The following MASP1 variants were observed in gnomAD, a reference collection of about 807,000 sequenced individuals.
MASP1 encodes the protein mannan-binding lectin serine protease 1.
MASP1 carries 59 observed loss-of-function variants against 77.1 expected under a neutral mutation model. The observed-to-expected ratio is 0.77, with a 90% CI of 0.62 to 0.95. The LOEUF is 0.95. MASP1 is among the 40% of genes least tolerant of loss of function. The probability of loss-of-function intolerance (pLI) is 0.00; values close to 1 mark genes in which losing one functional copy is unlikely to be tolerated. For synonymous variants in MASP1, 362 were observed against 354.5 expected, an observed-to-expected ratio of 1.02 and a Z score of -0.24; for missense variants, 885 against 912.9, an observed-to-expected ratio of 0.97 and a Z score of 0.39.
chr3:187,223,005 C>T, intron 14 of MASP1: 2 of 829,048 alleles, frequency 2.4e-6, no homozygotes, highest in Non-Finnish European at 2.1e-6. Flanking sequence ...GGTCTGGGCT[C>T]CTAGTTTCCC....
rs1415304189 is a variant in MASP1 at position 187,234,910 on chromosome 3, AG to A, written c.*773del. ...CGCCCATGGTGTCAGCTGGTGTTCCAGGGTGGCATATGGGCCCAAATGTGTT... is the reference window on the plus strand; with the variant it reads ...CGCCCATGGTGTCAGCTGGTGTTCCAGGTGGCATATGGGCCCAAATGTGTT... On this transcript the variant is annotated 3_prime_UTR_variant, in exon 11 of 11. Coordinates refer to ENST00000296280, the MANE Select transcript of MASP1 (RefSeq NM_139125.4). 13 of 1,287,054 alleles carry A rather than the reference AG, an allele frequency of 1.0e-5. No homozygotes were observed. The African/African-American group carries it at 1.5e-4, about 15-fold the overall frequency. The allele number at this position is 1,287,054 out of a possible 1,614,324, so 79.7% of individuals were successfully genotyped here.
chr3:187,267,512 A>G (rs1284492503), intron 2 of MASP1, among the ~76,000 whole-genome samples: 6 of 152,242 alleles, frequency 3.9e-5, no homozygotes, highest in African/African-American at 1.4e-4. Context: ...GTCATTACTC[A>G]CTGAAGGCTG....
chr3:187,264,953 C>G (rs938468296), intron 2 of MASP1, among the ~76,000 whole-genome samples: 6 of 152,046 alleles, frequency 3.9e-5, no homozygotes, highest in African/African-American at 7.2e-5. Context: ...GGGTCCTGTT[C>G]CTGACACTGC....
At chr3:187,282,207 A>T (rs1290335847) in intron 2 of MASP1, among the ~76,000 whole-genome samples, 1 of 152,172 alleles carries the variant, frequency 6.6e-6, no homozygotes, top group African/African-American at 2.4e-5. Flanking sequence ...GAAGATTTTC[A>T]AGAAGAAAAT....
At chr3:187,229,959 A>G, downstream of MASP1, 1 of 1,597,174 alleles carries the variant, frequency 6.3e-7, no homozygotes, top group Non-Finnish European at 8.6e-7. Context: ...GCCCACTGCC[A>G]GAGCTCCCAG....
At chr3:187,258,211 C>G (rs1715260765) in intron 4 of MASP1, among the ~76,000 whole-genome samples, 1 of 152,170 alleles carries the variant, frequency 6.6e-6, no homozygotes, top group Non-Finnish European at 1.5e-5. Flanking sequence ...TGATCCCCAC[C>G]CTGTTCCACC....
At chr3:187,283,324 T>C (rs1717586031) in intron 2 of MASP1, among the ~76,000 whole-genome samples, 1 of 152,256 alleles carries the variant, frequency 6.6e-6, no homozygotes, top group Non-Finnish European at 1.5e-5. Flanking sequence ...AAAAGTATCA[T>C]CATTTTTTCC....
chr3:187,235,742 C>T lies in MASP1; in HGVS notation c.2129G>A (p.Trp710Ter), dbSNP rs1713101192. Residue 710 changes from tryptophan to a stop codon, truncating the protein, a stop_gained, in exon 11 of 11, where the codon TGG becomes TAG. Transcript: ENST00000296280. LOFTEE classifies it high-confidence loss of function. Reference protein sequence around the residue: ...VYTKVSNYVDWVWEQMGLPQS... With the variant: ...VYTKVSNYVD ...TGGTAAGCCCATCTGCTCCCACACC[C>T]AGTCCACGTAATTGGAGACCTTTGT... 6.2e-7 allele frequency: 1 copy of T among 1,614,094 alleles called. No homozygotes were observed. The highest frequency in any genetic ancestry group is 8.5e-7 in the Non-Finnish European group (1 of 1,180,040).
At position 187,221,121 on chromosome 3, in the gene MASP1, A is replaced by G; in HGVS notation, c.1823T>C (p.Ile608Thr). 1.2e-6 allele frequency: 2 copies of G among 1,613,688 alleles called. No individual in the cohort carries two copies. The highest frequency in any genetic ancestry group is 8.5e-7 in the Non-Finnish European group (1 of 1,179,750). Residue 608 changes from isoleucine (I) to threonine (T), a missense_variant, in exon 15 of 16, where the codon ATT (isoleucine) becomes ACT (threonine). Coordinates refer to the MASP1 transcript ENST00000337774. ...CTTCTGGCAGGTGCTGTGGTCAACA[A>G]TCGGGATTTCAATCTAGAACACAAA...
intron 9 of MASP1, chr3:187,242,936 C>A: frequency 5.4e-6 from 1 of 183,906 alleles, no homozygotes; most frequent in Non-Finnish European, 1.2e-5. Context: ...ACTCCTCGCT[C>A]CCCAACCCTG....
At chr3:187,220,726 G>A (rs1191852388) in intron 15 of MASP1, among the ~76,000 whole-genome samples, 1 of 152,062 alleles carries the variant, frequency 6.6e-6, no homozygotes, top group Non-Finnish European at 1.5e-5. Flanking sequence ...TCGAACTCCC[G>A]ACCTCAGGTG....
rs375754458 is a variant in MASP1 at position 187,247,100 on chromosome 3, T to TC, written c.1090+3150dup. On this transcript the variant is annotated intron_variant, in intron 8 of 10. Transcript: ENST00000296280. ...CTAAAATAAATCCCACATTTTTTTT[T>TC]CATTATTTTCTGGAATAGTGTTTGA... 3.1e-4 allele frequency: 445 copies of TC among 1,421,284 alleles called. 2 individuals carry two copies. The African/African-American group carries it at 5.6e-3, about 18-fold the overall frequency. 88.0% of individuals were successfully genotyped at this position (1,421,284 alleles called of 1,614,324 possible).
chr3:187,236,565 ACT>A lies in MASP1; in HGVS notation c.1304_1305del (p.Glu435ValfsTer22). On this transcript the variant is annotated frameshift_variant and splice_region_variant, in exon 11 of 11. Transcript: ENST00000296280. LOFTEE classifies it high-confidence loss of function. ...LGRSLPTCLP[E>X]CGQPSRSLPS... ...GGCAGGGAGCGGGAGGGCTGACCACACTCTGTAAGGAGAAAGAGGGAGCAGGG... is the reference window on the plus strand; with the variant it reads ...GGCAGGGAGCGGGAGGGCTGACCACACTGTAAGGAGAAAGAGGGAGCAGGG... The A allele has an allele frequency of 6.2e-7, 1 of 1,613,682 alleles. No individual in the cohort carries two copies. Among genetic ancestry groups the A allele is most frequent in the Non-Finnish European group, 8.5e-7 (1 of 1,179,902 alleles).
intron 2 of MASP1, among the ~76,000 whole-genome samples, chr3:187,280,250 G>A (rs1216154862): frequency 2.6e-5 from 4 of 152,222 alleles, no homozygotes; most frequent in African/African-American, 9.6e-5. Context: ...GAGGATGGAA[G>A]AAATGTCGAA....
rs78393224 is a variant in MASP1, at chr3:187,235,456, A to G, written c.*228T>C. 1 of 1,515,646 alleles carries G rather than the reference A, an allele frequency of 6.6e-7. No individual in the cohort carries two copies. The allele number at this position is 1,515,646 out of a possible 1,614,324, so 93.9% of individuals were successfully genotyped here. A position where few individuals can be genotyped will look rare whatever the true frequency, so the allele number is the denominator to read the frequency against. On this transcript the variant is annotated 3_prime_UTR_variant, in exon 11 of 11. Transcript: ENST00000296280. The stretch of plus-strand genomic sequence containing the variant: ...TATTACTCGGTAGAGTGAGGCCCAG[A>G]CAGGGAAAGAGACTTGGACAAGCTC...
intron 5 of MASP1, 23 bp downstream of exon 5, chr3:187,256,641 A>T: frequency 6.2e-7 from 1 of 1,612,734 alleles, no homozygotes; most frequent in Non-Finnish European, 8.5e-7. Flanking sequence ...CATCTCCAGG[A>T]CAAGTGTTCA....
chr3:187,221,820 T>C (rs1712077673), intron 14 of MASP1, among the ~76,000 whole-genome samples: 1 of 152,226 alleles, frequency 6.6e-6, no homozygotes, highest in South Asian at 2.1e-4. Context: ...CCAGAAAATA[T>C]ATATATTTTT....
rs369623456 is a variant in MASP1 at position 187,250,478 on chromosome 3, G to A, written c.1012-149C>T. ...TGGGCTTCCAAGGGTGAGCTTGAAGGTAGGGGAAAGATACATGCTGAATTC... is the reference window on the plus strand; with the variant it reads ...TGGGCTTCCAAGGGTGAGCTTGAAGATAGGGGAAAGATACATGCTGAATTC... On this transcript the variant is annotated intron_variant, in intron 7 of 10. Transcript: ENST00000296280. 4.1e-6 allele frequency: 3 copies of A among 739,462 alleles called. No individual in the cohort carries two copies. The East Asian group carries it at 7.5e-5, about 19-fold the overall frequency. 45.8% of individuals were successfully genotyped at this position (739,462 alleles called of 1,614,324 possible).
chr3:187,286,480 C>T (rs893917726), intron 1 of MASP1, among the ~76,000 whole-genome samples: 1 of 152,120 alleles, frequency 6.6e-6, no homozygotes, highest in African/African-American at 2.4e-5. Flanking sequence ...ATCTGTAGTA[C>T]CTTAAACAGA....
Sources: allele counts gnomAD v4.1 joint callset (sites outside exome capture counted in the v4.1 genomes callset), GRCh38; gene constraint gnomAD v4.1.1; transcripts MANE v1.5; gene names NCBI Gene and HGNC (gene_info 2026-07-23, HGNC 2026-07-21).